EIF3A: variants seen among roughly 807,000 people sequenced by gnomAD.
EIF3A encodes eukaryotic translation initiation factor 3 subunit A.
In EIF3A, 21 loss-of-function variants were observed where a neutral mutation model predicts 186.6. The observed-to-expected ratio is 0.11, with a 90% confidence interval of 0.08 to 0.16. The LOEUF is 0.16. EIF3A is among the 10% of genes least tolerant of loss of function. The pLI, the probability that EIF3A is intolerant of heterozygous loss-of-function variation, is 1.00. For missense variants in EIF3A, 1,306 were observed against 1,796.3 expected (o/e 0.73, Z 4.93); for synonymous variants, 563 against 584.3 (o/e 0.96, Z 0.52).
intron 10 of EIF3A, 37 bp from the exon 11 acceptor site, chr10:119,059,434 G>GT: frequency 6.9e-7 from 1 of 1,458,964 alleles, no homozygotes; most frequent in Non-Finnish European, 9.3e-7. Flanking sequence ...AAATCCACAA[G>GT]TAAGCATGAA....
intron 17 of EIF3A, among the ~76,000 whole-genome samples, chr10:119,046,273 C>T (rs1404722845): frequency 1.3e-5 from 2 of 152,220 alleles, no homozygotes. Context: ...AAAACAGAAG[C>T]AAAGGTCTCT....
chr10:119,071,575 T>C (rs1201547380), intron 4 of EIF3A, among the ~76,000 whole-genome samples: 1 of 152,202 alleles, frequency 6.6e-6, no homozygotes, highest in Non-Finnish European at 1.5e-5. Flanking sequence ...GTTAATTTTT[T>C]TACCGTCACA....
intron 17 of EIF3A, among the ~76,000 whole-genome samples, chr10:119,046,329 T>C (rs1038221953): frequency 2.0e-5 from 3 of 152,212 alleles, no homozygotes; most frequent in African/African-American, 7.2e-5. Flanking sequence ...TAATGAACCA[T>C]TTATTGTTCA....
At chr10:119,076,608 G>T (rs1844178359) in intron 1 of EIF3A, among the ~76,000 whole-genome samples, 1 of 152,050 alleles carries the variant, frequency 6.6e-6, no homozygotes, top group Non-Finnish European at 1.5e-5. Context: ...GTCTTCTCCT[G>T]GTCTTCTCCT....
chr10:119,054,432 G>A lies in EIF3A; in HGVS notation c.2196+2308C>T, dbSNP rs1023742239. Among the ~76,000 whole-genome samples, 8 of 151,544 alleles carry A rather than the reference G, an allele frequency of 5.3e-5. No individual in the cohort carries two copies. The South Asian group carries it at 6.3e-4, about 12-fold the overall frequency. On this transcript the variant is annotated intron_variant, in intron 14 of 21. Coordinates refer to ENST00000369144, the MANE Select transcript of EIF3A (RefSeq NM_003750.4). ...CATTTTTAATTTCAAGAACTCTTCC[G>A]GGCCAGGCACGGTGGCTCATGCCTG...
intron 4 of EIF3A, among the ~76,000 whole-genome samples, chr10:119,072,257 A>T (rs1291459811): frequency 1.6e-5 from 2 of 127,942 alleles, no homozygotes; most frequent in African/African-American, 5.3e-5. Context: ...AAAAAAAAAA[A>T]TGGAAAAGTT....
rs765489845 is a variant in EIF3A at position 119,061,339 on chromosome 10, CA to C, written c.1123-12del. ...TACATTAAATCTGACCTACAGTAAG[CA>C]AAACAAAAGATGTAACTGCCAAAGG... On this transcript the variant is annotated splice_polypyrimidine_tract_variant and intron_variant, in intron 7 of 21. Transcript: ENST00000369144. 7.7e-7 allele frequency: 1 copy of C among 1,306,066 alleles called. No homozygotes were observed. The highest frequency in any genetic ancestry group is 1.1e-6 in the Non-Finnish European group (1 of 937,154). 80.9% of individuals were successfully genotyped at this position (1,306,066 alleles called of 1,614,324 possible).
At chr10:119,058,454 C>T (rs1024726322) in intron 11 of EIF3A, 151 bp from the exon 12 acceptor site, 4 of 649,564 alleles carry the variant, frequency 6.2e-6, no homozygotes, top group East Asian at 2.7e-5. Flanking sequence ...TGTTTGTTTT[C>T]GGTATTAAAT....
In EIF3A at chr10:119,065,883, A is replaced by G. The variant is rs7099414; in HGVS notation, c.951-313T>C. On this transcript the variant is annotated intron_variant, in intron 6 of 21. Transcript: ENST00000369144. The stretch of plus-strand genomic sequence containing the variant: ...TGTAATCCCAGCACTTTGGGAGGCC[A>G]AGGGGGGCACATCACGACGTCAAGA... Among the ~76,000 whole-genome samples the G allele has an allele frequency of 9.7e-3, 1,422 of 147,092 alleles. 21 individuals carry two copies. The highest frequency in any genetic ancestry group is 0.032 in the African/African-American group (1,282 of 40,018).
chr10:119,059,127 T>C (rs1317176643), intron 11 of EIF3A, 85 bp downstream of exon 11: 8 of 1,064,844 alleles, frequency 7.5e-6, no homozygotes, highest in Non-Finnish European at 1.1e-5. Flanking sequence ...TCAGATATTG[T>C]CTCAAACCTT....
At chr10:119,080,182 G>A (rs890584046) in intron 1 of EIF3A, among the ~76,000 whole-genome samples, 3 of 152,172 alleles carry the variant, frequency 2.0e-5, no homozygotes, top group Non-Finnish European at 2.9e-5. Flanking sequence ...AGGAGGTGGA[G>A]CCGAGGCTCT....
chr10:119,044,479 C>T (rs527910998), intron 17 of EIF3A, among the ~76,000 whole-genome samples: 172 of 152,246 alleles, frequency 1.1e-3, no homozygotes, highest in African/African-American at 3.8e-3. Flanking sequence ...ACAGTGCCTA[C>T]GAAGCAAAGA....
chr10:119,071,121 C>A, intron 4 of EIF3A, 36 bp from the exon 5 acceptor site: 1 of 1,379,314 alleles, frequency 7.2e-7, no homozygotes, highest in Non-Finnish European at 1.0e-6. Flanking sequence ...TAGGTACCTT[C>A]CACTATCTAC....
Position 119,033,679 on chromosome 10 carries a change from AGATTT to A in EIF3A, c.*2355_*2359del, listed in dbSNP as rs918212239. On this transcript the variant is annotated 3_prime_UTR_variant, in exon 22 of 22. Transcript: ENST00000369144. ...CTTTGATGAGAACAACTTTTGTCAT[AGATTT>A]GATTTATTAAACCAAAATTATACAT... 4.8e-5 allele frequency: 8 copies of A among 166,588 alleles called. No individual in the cohort carries two copies. The highest frequency in any genetic ancestry group is 2.1e-4 in the South Asian group (1 of 4,834). The allele number at this position is 166,588 out of a possible 1,614,324, so 10.3% of individuals were successfully genotyped here.
chr10:119,061,166 A>G, intron 8 of EIF3A, 58 bp downstream of exon 8: 1 of 981,248 alleles, frequency 1.0e-6, no homozygotes. Flanking sequence ...AATACAACCC[A>G]AAACTGCAAG....
intron 2 of EIF3A, 42 bp from the exon 3 acceptor site, chr10:119,073,619 A>C: frequency 6.3e-7 from 1 of 1,598,392 alleles, no homozygotes; most frequent in Non-Finnish European, 8.5e-7. Context: ...TTATTTTTCC[A>C]TTGAACCATA....
intron 18 of EIF3A, among the ~76,000 whole-genome samples, chr10:119,043,484 C>T (rs1166730822): frequency 1.3e-5 from 2 of 151,664 alleles, no homozygotes; most frequent in Admixed American, 6.6e-5. Context: ...CATGGTGGAG[C>T]GCACCTGTGG....
At chr10:119,043,183 C>G (rs1236325690) in intron 18 of EIF3A, among the ~76,000 whole-genome samples, 1 of 152,092 alleles carries the variant, frequency 6.6e-6, no homozygotes, top group Non-Finnish European at 1.5e-5. Flanking sequence ...CTTTGGGAGG[C>G]CGAGGCAGGC....
At chr10:119,067,050 T>C (rs2119819887) in intron 6 of EIF3A, among the ~76,000 whole-genome samples, 1 of 151,258 alleles carries the variant, frequency 6.6e-6, no homozygotes, top group South Asian at 2.1e-4. Flanking sequence ...CCGTTTCTAC[T>C]AAAAATACAA....
Sources: gnomAD v4.1 joint callset for allele counts (sites outside exome capture counted in the v4.1 genomes callset) on GRCh38, gnomAD v4.1.1 for gene constraint, MANE v1.5 for transcripts, NCBI Gene and HGNC (gene_info 2026-07-23, HGNC 2026-07-21) for gene names.